The following UNC5C variants were observed in gnomAD, a reference collection of about 807,000 sequenced individuals.
The protein encoded by UNC5C is unc-5 netrin receptor C, also known as netrin receptor UNC5C.
Under a neutral mutation model 99.8 loss-of-function variants are expected in UNC5C, and 47 were observed. That is an observed-to-expected ratio of 0.47 (90% CI 0.37 to 0.60). The LOEUF (loss-of-function observed/expected upper bound fraction) is 0.60. Ranked by LOEUF, UNC5C falls within the 20% of genes least tolerant of loss-of-function variation. UNC5C has a pLI of 0.00. For synonymous variants in UNC5C, 487 were observed against 452.2 expected, an observed-to-expected ratio of 1.08 and a Z score of -0.98; for missense variants, 1,062 against 1,165.9, an observed-to-expected ratio of 0.91 and a Z score of 1.30.
intron 1 of UNC5C, among the ~76,000 whole-genome samples, chr4:95,444,757 T>C (rs1017073315): frequency 2.0e-5 from 3 of 152,230 alleles, no homozygotes; most frequent in African/African-American, 7.2e-5. Context: ...CTCCATTGAC[T>C]CCCTGTATTC....
At chr4:95,310,334 TCA>T (rs1277534927) in intron 2 of UNC5C, among the ~76,000 whole-genome samples, 1 of 152,140 alleles carries the variant, frequency 6.6e-6, no homozygotes, top group African/African-American at 2.4e-5. Context: ...ATATTAAATT[TCA>T]GTTAGACAGG....
chr4:95,359,113 TG>T (rs1397347795), intron 1 of UNC5C, among the ~76,000 whole-genome samples: 1 of 152,198 alleles, frequency 6.6e-6, no homozygotes, highest in African/African-American at 2.4e-5. Context: ...AAGTTTGTTT[TG>T]GAAATCATAT....
chr4:95,364,577 T>A (rs546316159), intron 1 of UNC5C, among the ~76,000 whole-genome samples: 1 of 152,328 alleles, frequency 6.6e-6, no homozygotes, highest in East Asian at 1.9e-4. Flanking sequence ...CTGCTGGTTT[T>A]ACGGAGAAGG....
chr4:95,392,589 G>A (rs1479916982), intron 1 of UNC5C, among the ~76,000 whole-genome samples: 2 of 151,846 alleles, frequency 1.3e-5, no homozygotes, highest in African/African-American at 4.8e-5. Context: ...TGCACCACCA[G>A]GCCCAGATAA....
chr4:95,163,371 G>A lies in UNC5C; in HGVS notation c.*5863C>T, dbSNP rs1233459362. 6.6e-6 allele frequency: 1 copy of A among 152,196 alleles called. No homozygotes were observed. The highest frequency in any genetic ancestry group is 1.5e-5 in the Non-Finnish European group (1 of 68,038). The allele number at this position is 152,196 out of a possible 1,614,324, so 9.4% of individuals were successfully genotyped here. The stretch of plus-strand genomic sequence containing the variant: ...TGTTTTAACATTGAGAACCTATGTA[G>A]CTCAGGTCCCCATTCTCTGATGCTG... On this transcript the variant is annotated 3_prime_UTR_variant, in exon 16 of 16. Coordinates refer to ENST00000453304, the MANE Select transcript of UNC5C (RefSeq NM_003728.4).
At chr4:95,368,308 A>AAAT in intron 1 of UNC5C, among the ~76,000 whole-genome samples, 1 of 152,046 alleles carries the variant, frequency 6.6e-6, no homozygotes, top group South Asian at 2.1e-4. Context: ...AAAAAAAAAA[A>AAAT]AACCAATCAA....
chr4:95,491,122 AC>A (rs1318839909), intron 1 of UNC5C, among the ~76,000 whole-genome samples: 1 of 151,592 alleles, frequency 6.6e-6, no homozygotes, highest in Non-Finnish European at 1.5e-5. Flanking sequence ...ATATTTGCAA[AC>A]AAAACTTTTT....
At chr4:95,440,773 G>C (rs761576971) in intron 1 of UNC5C, among the ~76,000 whole-genome samples, 29 of 152,098 alleles carry the variant, frequency 1.9e-4, no homozygotes, top group African/African-American at 6.5e-4. Context: ...AAAGAAACTC[G>C]GTGAAATTTA....
intron 1 of UNC5C, among the ~76,000 whole-genome samples, chr4:95,416,306 G>A (rs1178247612): frequency 6.6e-6 from 1 of 152,076 alleles, no homozygotes; most frequent in Non-Finnish European, 1.5e-5. Context: ...ACATCGTGAT[G>A]TGCACTGTAG....
chr4:95,469,514 C>CA (rs1413681218), intron 1 of UNC5C, among the ~76,000 whole-genome samples: 1 of 152,144 alleles, frequency 6.6e-6, no homozygotes, highest in South Asian at 2.1e-4. Flanking sequence ...ATGTATTTTG[C>CA]AAAAAGTACA....
intron 1 of UNC5C, among the ~76,000 whole-genome samples, chr4:95,362,312 C>T (rs563021963): frequency 1.3e-3 from 191 of 152,188 alleles, no homozygotes; most frequent in African/African-American, 4.4e-3. Context: ...GCACATGACC[C>T]AAGGCAGTGT....
At chr4:95,459,252 C>T (rs970733435) in intron 1 of UNC5C, among the ~76,000 whole-genome samples, 3 of 152,122 alleles carry the variant, frequency 2.0e-5, no homozygotes, top group Non-Finnish European at 4.4e-5. Flanking sequence ...TAGTCAAGTA[C>T]ATCTGGAATT....
intron 1 of UNC5C, among the ~76,000 whole-genome samples, chr4:95,539,925 C>CTT (rs61346866): frequency 1.6e-4 from 23 of 145,786 alleles, no homozygotes; most frequent in African/African-American, 5.4e-4. Flanking sequence ...CATCCTTCTA[C>CTT]TTTTTTTTTT....
intron 1 of UNC5C, among the ~76,000 whole-genome samples, chr4:95,487,706 A>G (rs1721365708): frequency 6.6e-6 from 1 of 151,712 alleles, no homozygotes; most frequent in African/African-American, 2.4e-5. Flanking sequence ...AATAGAATCT[A>G]AATTTGGGGT....
chr4:95,506,415 A>T (rs1399072265), intron 1 of UNC5C, among the ~76,000 whole-genome samples: 1 of 151,978 alleles, frequency 6.6e-6, no homozygotes, highest in Non-Finnish European at 1.5e-5. Context: ...TCACCAAACC[A>T]CCAACACTGC....
intron 1 of UNC5C, among the ~76,000 whole-genome samples, chr4:95,514,844 T>G (rs980183310): frequency 9.9e-5 from 15 of 151,516 alleles, no homozygotes; most frequent in East Asian, 7.8e-4. Context: ...GGCTAATTTT[T>G]TGTATTTTTG....
chr4:95,232,116 G>A (rs186473784), intron 7 of UNC5C, among the ~76,000 whole-genome samples: 29 of 152,074 alleles, frequency 1.9e-4, no homozygotes, highest in Admixed American at 1.9e-3. Context: ...AAGCATAAAT[G>A]CCTGAAATTT....
intron 7 of UNC5C, among the ~76,000 whole-genome samples, chr4:95,238,691 A>G (rs1739216878): frequency 6.6e-6 from 1 of 152,068 alleles, no homozygotes; most frequent in Admixed American, 6.6e-5. Context: ...TTCTCATTCT[A>G]TCCTCCATTA....
At chr4:95,488,560 T>C (rs910203391) in intron 1 of UNC5C, among the ~76,000 whole-genome samples, 6 of 151,630 alleles carry the variant, frequency 4.0e-5, no homozygotes, top group Admixed American at 1.3e-4. Context: ...ATCTGTAATT[T>C]CTTAAGAACC....
Sources: allele counts gnomAD v4.1 joint callset (sites outside exome capture counted in the v4.1 genomes callset), GRCh38; gene constraint gnomAD v4.1.1; transcripts MANE v1.5; gene names NCBI Gene and HGNC (gene_info 2026-07-23, HGNC 2026-07-21).